The following LIPE variants were observed in gnomAD, a reference collection of about 807,000 sequenced individuals.
LIPE encodes the protein hormone-sensitive lipase.
LIPE carries 66 observed loss-of-function variants against 88.5 expected under a neutral mutation model. The ratio of observed to expected loss-of-function variants is 0.75; its 90% CI spans 0.61 to 0.91. The LOEUF is 0.91. Among genes scored for constraint, LIPE ranks in the 40% least tolerant of loss-of-function variants. LIPE has a pLI of 0.00. For synonymous variants in LIPE, 570 were observed against 617.5 expected, an observed-to-expected ratio of 0.92 and a Z score of 1.14; for missense variants, 1,346 against 1,434.7, an observed-to-expected ratio of 0.94 and a Z score of 1.00.
chr19:42,422,135 T>C (rs1289562503), intron 1 of LIPE, among the ~76,000 whole-genome samples: 2 of 152,250 alleles, frequency 1.3e-5, no homozygotes, highest in Admixed American at 1.3e-4. Flanking sequence ...GCTTTTAGGA[T>C]GTTCACCGTC....
rs747469822 is a variant in LIPE at position 42,407,358 on chromosome 19, G to A, written c.1953C>T (p.His651=). 74 of 1,613,238 alleles carry A rather than the reference G, an allele frequency of 4.6e-5. No homozygotes were observed. Among genetic ancestry groups the A allele is most frequent in the East Asian group, 3.6e-4 (16 of 44,876 alleles). ...AGGTCTGGGCCACAAAGCCACCGCCGTGGAAGTGCACTATCAGGGACCGCG... is the reference window on the plus strand; with the variant it reads ...AGGTCTGGGCCACAAAGCCACCGCCATGGAAGTGCACTATCAGGGACCGCG... ...PRSRSLIVHF[H]GGGFVAQTSR... is the part of the protein sequence containing the mutation. Residue 651 remains histidine, a synonymous_variant, in exon 6 of 10, where the codon CAC becomes CAT. Coordinates refer to ENST00000244289, the MANE Select transcript of LIPE (RefSeq NM_005357.4). This position sits in a 1 kb window ranked among gnomAD's most constrained non-coding sequence, Gnocchi z 5.8.
chr19:42,401,830 G>A lies in LIPE; in HGVS notation c.3213C>T (p.Gly1071=), dbSNP rs780507161. Residue 1071 remains glycine (G), a synonymous_variant, in exon 10 of 10, where the codon GGC becomes GGT. Transcript: ENST00000244289. ...CAGGCTTTTAGTGTCGCCCCCCGCA[G>A]CCCCCGTCTACCCCCGCAGCCCCCG... ...GETGAAGVDG[G]CGGRH 2 of 838,106 alleles carry A rather than the reference G, an allele frequency of 2.4e-6. No individual in the cohort carries two copies. The highest frequency in any genetic ancestry group is 1.6e-5 in the South Asian group (1 of 63,640). 51.9% of individuals were successfully genotyped at this position (838,106 alleles called of 1,614,324 possible).
At chr19:42,424,827 A>T in intron 1 of LIPE, 1 of 353,882 alleles carries the variant, frequency 2.8e-6, no homozygotes, top group Non-Finnish European at 5.6e-6. Flanking sequence ...CTAGAGAAGG[A>T]AGATCGGAGC....
intron 1 of LIPE, among the ~76,000 whole-genome samples, chr19:42,425,693 C>G (rs1317531252): frequency 6.6e-6 from 1 of 152,106 alleles, no homozygotes; most frequent in Non-Finnish European, 1.5e-5. Context: ...ACTTGTAGTC[C>G]CACCTACTCC....
chr19:42,424,010 G>T (rs950355448), intron 1 of LIPE: 3 of 1,178,746 alleles, frequency 2.5e-6, no homozygotes, highest in African/African-American at 1.6e-5. Context: ...TGCCTGGGGT[G>T]GGGGCGGGCC....
Position 42,401,848 on chromosome 19 carries a change from A to AACCCCCCC in LIPE, c.3194_3195insGGGGGGGT (p.Ala1066GlyfsTer6). 1 of 692,834 alleles carries AACCCCCCC rather than the reference A, an allele frequency of 1.4e-6. No homozygotes were observed. The highest frequency in any genetic ancestry group is 2.1e-6 in the Non-Finnish European group (1 of 475,622). The allele number at this position is 692,834 out of a possible 1,614,324, so 42.9% of individuals were successfully genotyped here. A position where few individuals can be genotyped will look rare whatever the true frequency, so the allele number is the denominator to read the frequency against. On this transcript the variant is annotated frameshift_variant, in exon 10 of 10. Transcript: ENST00000244289. LOFTEE classifies it high-confidence loss of function. The stretch of plus-strand genomic sequence containing the variant: ...CCCCGCAGCCCCCGTCTACCCCCGC[A>AACCCCCCC]GCCCCCGTCTCCCCGCTCGGCCCGG...
chr19:42,417,930 T>C (rs1008097907), intron 1 of LIPE, among the ~76,000 whole-genome samples: 2 of 151,030 alleles, frequency 1.3e-5, no homozygotes, highest in African/African-American at 4.9e-5. Flanking sequence ...GGATTTAGAC[T>C]ATGACATAGA....
In LIPE at chr19:42,418,443, T is replaced by A. The variant is rs2040532693; in HGVS notation, c.884-7601A>T. 3.9e-5 allele frequency among the ~76,000 whole-genome samples: 6 copies of A among 152,260 alleles called. No homozygotes were observed. The South Asian group carries it at 1.0e-3, about 26-fold the overall frequency. On this transcript the variant is annotated intron_variant, in intron 1 of 9. Coordinates refer to ENST00000244289, the MANE Select transcript of LIPE (RefSeq NM_005357.4). Reference sequence around the variant, plus strand: ...TTTCTACAACCACCACCCTCGTGAGTCAGCAGCCACCACCACTGGGGCAAG... The same window carrying A: ...TTTCTACAACCACCACCCTCGTGAGACAGCAGCCACCACCACTGGGGCAAG...
Position 42,407,171 on chromosome 19 carries a change from C to T in LIPE, c.2137+3G>A, listed in dbSNP as rs367633714. On this transcript the variant is annotated splice_donor_region_variant and intron_variant, in intron 6 of 9. Transcript: ENST00000244289. This position sits in a 1 kb window ranked among gnomAD's most constrained non-coding sequence, Gnocchi z 5.8. The stretch of plus-strand genomic sequence containing the variant: ...CAGGTGGCTGTGGGGGCCTGAGGCT[C>T]ACCAAGGAGGGCGCAGTGCTTGATG... The T allele has an allele frequency of 2.9e-4, 436 of 1,491,622 alleles. 1 individual carries two copies. Among genetic ancestry groups the T allele is most frequent in the Non-Finnish European group, 3.5e-4 (392 of 1,117,508 alleles). The allele number at this position is 1,491,622 out of a possible 1,614,324, so 92.4% of individuals were successfully genotyped here.
chr19:42,423,324 A>G, intron 1 of LIPE: 1 of 975,900 alleles, frequency 1.0e-6, no homozygotes. Flanking sequence ...GACCCCCCCA[A>G]CTCCCTGTGG....
At chr19:42,404,587 C>T (rs905529115) in intron 8 of LIPE, among the ~76,000 whole-genome samples, 6 of 152,352 alleles carry the variant, frequency 3.9e-5, no homozygotes, top group Admixed American at 6.5e-5. Flanking sequence ...TGGTCTTGAA[C>T]TCCTGACCTC....
At chr19:42,424,406 C>A (rs1200235403) in intron 1 of LIPE, 2 of 456,276 alleles carry the variant, frequency 4.4e-6, no homozygotes, top group African/African-American at 4.0e-5. Flanking sequence ...GCTTCTGGAC[C>A]GCCTGAAAGG....
rs182362002 is a variant in LIPE, at chr19:42,421,873, C to T, written c.883+4394G>A. Among the ~76,000 whole-genome samples, 205 of 152,320 alleles carry T rather than the reference C, an allele frequency of 1.3e-3. 1 individual carries two copies. Among genetic ancestry groups the T allele is most frequent in the African/African-American group, 4.7e-3 (194 of 41,566 alleles). The stretch of plus-strand genomic sequence containing the variant: ...ATTTATCTAAAGCCTGGCACGAGGG[C>T]GGGGCTTCAGGAAATGACAGGCAAA... On this transcript the variant is annotated intron_variant, in intron 1 of 9. Coordinates refer to ENST00000244289, the MANE Select transcript of LIPE (RefSeq NM_005357.4).
In LIPE at chr19:42,402,992, T is replaced by A. The variant is rs1239496995; in HGVS notation, c.2582A>T (p.Gln861Leu). Residue 861 changes from glutamine (Q) to leucine (L), a missense_variant, in exon 9 of 10, where the codon CAG becomes CTG. Physicochemically the swap from Gln to Leu is moderately radical, Grantham distance 113. Coordinates refer to ENST00000244289, the MANE Select transcript of LIPE (RefSeq NM_005357.4). The part of the protein sequence containing the change: ...RRSVSEAALA[Q>L]PQGPLGTDSL... ...ATCCGTGCCCAGTGGGCCCTGGGGC[T>A]GGGCCAGTGCTGCTTCAGACACACT... The A allele has an allele frequency of 6.3e-7, 1 of 1,598,800 alleles. No homozygotes were observed. Among genetic ancestry groups the A allele is most frequent in the South Asian group, 1.1e-5 (1 of 90,704 alleles).
chr19:42,415,996 G>A (rs2040479487), intron 1 of LIPE, among the ~76,000 whole-genome samples: 1 of 152,148 alleles, frequency 6.6e-6, no homozygotes, highest in Admixed American at 6.5e-5. Context: ...TTGGAAGCTA[G>A]CAGAGGTGGA....
intron 7 of LIPE, chr19:42,405,937 C>T (rs1392011495): frequency 2.0e-5 from 11 of 551,424 alleles, no homozygotes; most frequent in Non-Finnish European, 2.6e-5. Flanking sequence ...TCAGCCTGAG[C>T]GACATGACAC....
rs772722321 is a variant in LIPE, at chr19:42,426,598, T to C, written c.552A>G (p.Ser184=). Residue 184 remains serine (S), a synonymous_variant, in exon 1 of 10, where the codon TCA becomes TCG. Transcript: ENST00000244289. ...ESTSQETPEQ[S]DKQTTPVQGA... ...CCTGGACTGGCGTTGTTTGCTTGTC[T>C]GACTGTTCAGGTGTCTCTTGGGACG... 2 of 1,614,242 alleles carry C rather than the reference T, an allele frequency of 1.2e-6. No homozygotes were observed. Among genetic ancestry groups the C allele is most frequent in the South Asian group, 2.2e-5 (2 of 91,088 alleles).
At chr19:42,415,160 A>C (rs549829244) in intron 1 of LIPE, among the ~76,000 whole-genome samples, 1 of 152,054 alleles carries the variant, frequency 6.6e-6, no homozygotes, top group Admixed American at 6.6e-5. Context: ...TGAACCCGGG[A>C]GGTGGAGGTT....
intron 1 of LIPE, chr19:42,423,657 T>C (rs1321793762): frequency 8.6e-7 from 1 of 1,166,434 alleles, no homozygotes; most frequent in African/African-American, 1.6e-5. Context: ...CTTGCTCTTC[T>C]CTGGGTCCAG....
Sources: gnomAD v4.1 joint callset for allele counts (sites outside exome capture counted in the v4.1 genomes callset) on GRCh38, gnomAD v4.1.1 for gene constraint, Gnocchi (gnomAD v3.1) non-coding constraint, MANE v1.5 for transcripts, NCBI Gene and HGNC (gene_info 2026-07-23, HGNC 2026-07-21) for gene names.